The following TP53BP1 variants were observed in gnomAD, a reference collection of about 807,000 sequenced individuals.
The protein encoded by TP53BP1 is tumor protein p53 binding protein 1.
A neutral mutation model predicts 200.8 loss-of-function variants in TP53BP1; 61 were observed. That is an observed-to-expected ratio of 0.30 (90% CI 0.25 to 0.38). The LOEUF is 0.38. Ranked by LOEUF, TP53BP1 falls within the 10% of genes least tolerant of loss-of-function variation. TP53BP1 has a pLI of 1.00. For missense variants in TP53BP1, 2,144 were observed against 2,371.9 expected, an observed-to-expected ratio of 0.90 and a Z score of 2.00; for synonymous variants, 822 against 844.3, an observed-to-expected ratio of 0.97 and a Z score of 0.46.
At chr15:43,407,869 G>T in intron 27 of TP53BP1, 74 bp downstream of exon 27, 1 of 1,439,164 alleles carries the variant, frequency 6.9e-7, no homozygotes, top group Non-Finnish European at 9.4e-7. Flanking sequence ...CTGAGCCTTG[G>T]ACCACAAGGC....
intron 1 of TP53BP1, among the ~76,000 whole-genome samples, chr15:43,502,434 G>C (rs112163440): frequency 8.2e-4 from 125 of 152,140 alleles, no homozygotes; most frequent in African/African-American, 2.8e-3. Context: ...TGGTTTGTCA[G>C]TGTGAAGTGA....
chr15:43,446,514 G>T lies in TP53BP1; in HGVS notation c.2913C>A (p.Pro971=). 3.1e-6 allele frequency: 5 copies of T among 1,614,126 alleles called. No homozygotes were observed. The highest frequency in any genetic ancestry group is 4.2e-6 in the Non-Finnish European group (5 of 1,180,004). ...AATCCCCTTTTCCACTCCCAAGTAT[G>T]GGATCATGGGTCTCCACCATGCTTT... ...MSESMVETHD[P]ILGSGKGDSG... is the part of the protein sequence containing the mutation. The change falls in exon 14 of 28, where the codon CCC becomes CCA. Residue 971 remains proline, a synonymous_variant. Transcript: ENST00000382044.
At chr15:43,461,174 G>A (rs1002537179) in intron 11 of TP53BP1, among the ~76,000 whole-genome samples, 1 of 151,902 alleles carries the variant, frequency 6.6e-6, no homozygotes, top group Admixed American at 6.6e-5. Context: ...TTATTATTTA[G>A]AATAGGAAAC....
intron 1 of TP53BP1, among the ~76,000 whole-genome samples, chr15:43,505,736 A>C (rs2079232465): frequency 6.6e-6 from 1 of 152,286 alleles, no homozygotes; most frequent in South Asian, 2.1e-4. Context: ...ACCTTTTTAG[A>C]TATTATTTTA....
In TP53BP1 at chr15:43,404,569, G is replaced by C. The variant is rs766952166; in HGVS notation, c.*2814C>G. On this transcript the variant is annotated 3_prime_UTR_variant, in exon 28 of 28. Transcript: ENST00000382044. ...TCTGGGCAGGTAGGAGCAACCCTTGGGTAACTCAGTAGACTTTTTAAGGTG... is the reference window on the plus strand; with the variant it reads ...TCTGGGCAGGTAGGAGCAACCCTTGCGTAACTCAGTAGACTTTTTAAGGTG... The C allele has an allele frequency of 3.7e-6, 6 of 1,612,724 alleles. No individual in the cohort carries two copies. The highest frequency in any genetic ancestry group is 5.1e-6 in the Non-Finnish European group (6 of 1,179,394).
At chr15:43,461,465 A>C (rs930993365) in intron 11 of TP53BP1, among the ~76,000 whole-genome samples, 1 of 152,026 alleles carries the variant, frequency 6.6e-6, no homozygotes, top group Non-Finnish European at 1.5e-5. Flanking sequence ...CAATCTGCCC[A>C]CCTCGAACTC....
intron 4 of TP53BP1, among the ~76,000 whole-genome samples, chr15:43,489,458 C>T (rs1359464857): frequency 3.3e-5 from 5 of 152,280 alleles, no homozygotes; most frequent in South Asian, 2.1e-4. Context: ...AACTTAAATG[C>T]CCACAGAAAT....
intron 26 of TP53BP1, chr15:43,408,445 T>TG (rs2044994437): frequency 3.7e-6 from 1 of 270,088 alleles, no homozygotes; most frequent in African/African-American, 2.2e-5. Context: ...TGCGCCACTG[T>TG]ACTCCAGCCT....
At chr15:43,437,901 T>C (rs1431140160) in intron 16 of TP53BP1, among the ~76,000 whole-genome samples, 1 of 152,224 alleles carries the variant, frequency 6.6e-6, no homozygotes, top group Non-Finnish European at 1.5e-5. Context: ...GGCTCATGGT[T>C]CTGAATGCTG....
rs765596228 is a variant in TP53BP1 at position 43,405,262 on chromosome 15, T to C, written c.*2121A>G. 4 of 1,605,450 alleles carry C rather than the reference T, an allele frequency of 2.5e-6. No individual in the cohort carries two copies. The highest frequency in any genetic ancestry group is 3.3e-5 in the Admixed American group (2 of 59,964). On this transcript the variant is annotated 3_prime_UTR_variant, in exon 28 of 28. Coordinates refer to ENST00000382044, the MANE Select transcript of TP53BP1 (RefSeq NM_001141980.3). ...AATAACAGCCACGTTCCCAAGGTTG[T>C]AACAGAAGATTCAAAACATCCCATT...
chr15:43,479,484 G>A lies in TP53BP1; in HGVS notation c.701C>T (p.Ala234Val). The A allele has an allele frequency of 1.2e-6, 2 of 1,613,680 alleles. No homozygotes were observed. Among genetic ancestry groups the A allele is most frequent in the Non-Finnish European group, 1.7e-6 (2 of 1,179,856 alleles). The change falls in exon 7 of 28, where the codon GCA becomes GTA. Residue 234 changes from alanine (A) to valine (V), a missense_variant. Around this residue, in one of 4 missense-constraint regions of TP53BP1, gnomAD observed 1,700 missense variants for 1,710.3 expected, o/e 0.99. Coordinates refer to ENST00000382044, the MANE Select transcript of TP53BP1 (RefSeq NM_001141980.3). ...EEQSNEDIPI[A>V]EQSSKDIPVT... ...AGGGATGTCCTTGCTGGACTGTTCT[G>A]CTATGGGGATATCTTCGTTGGACTG... is the stretch of plus-strand genomic sequence containing the variant.
At chr15:43,425,261 T>C (rs2045500482) in intron 18 of TP53BP1, among the ~76,000 whole-genome samples, 1 of 152,198 alleles carries the variant, frequency 6.6e-6, no homozygotes, top group African/African-American at 2.4e-5. Flanking sequence ...TGGAACCTTT[T>C]CCCTCCATCA....
intron 24 of TP53BP1, 129 bp from the exon 25 acceptor site, chr15:43,409,870 C>T: frequency 2.2e-6 from 1 of 461,700 alleles, no homozygotes; most frequent in South Asian, 4.0e-5. Flanking sequence ...CAAAGACAGG[C>T]CAAGGGCTTC....
chr15:43,510,204 C>T (rs2079264920), intron 1 of TP53BP1, among the ~76,000 whole-genome samples: 1 of 151,986 alleles, frequency 6.6e-6, no homozygotes, highest in Admixed American at 6.5e-5. Context: ...CAACAGTCTC[C>T]TGAGGGAGAC....
intron 12 of TP53BP1, among the ~76,000 whole-genome samples, chr15:43,453,685 C>A (rs1382734567): frequency 6.6e-6 from 1 of 151,360 alleles, no homozygotes; most frequent in Non-Finnish European, 1.5e-5. Flanking sequence ...GCTGGGACTA[C>A]AGGCACCCGT....
At position 43,456,636 on chromosome 15, in the gene TP53BP1, G is replaced by A. The variant is rs774445226; in HGVS notation, c.1972C>T (p.His658Tyr). The change falls in exon 12 of 28, where the codon CAC becomes TAC. Residue 658 changes from histidine to tyrosine, a missense_variant. Physicochemically the swap from His to Tyr is moderately conservative, Grantham distance 83. This residue lies in a region of TP53BP1 where 1,700 missense variants were observed against 1,710.3 expected (regional missense o/e 0.99). Transcript: ENST00000382044. ...CCTGAAGACCCCTCCTCTGGATGGT[G>A]TTCTTTAATTTCCATAGCTTCCTCC... ...DQEEAMEIKE[H>Y]HPEEGSSGSE... 6.8e-6 allele frequency: 11 copies of A among 1,614,138 alleles called. No individual in the cohort carries two copies. Among genetic ancestry groups the A allele is most frequent in the Non-Finnish European group, 9.3e-6 (11 of 1,180,026 alleles).
In TP53BP1 at chr15:43,458,716, G is replaced by C. The variant is rs181269581; in HGVS notation, c.1390-1498C>G. Among the ~76,000 whole-genome samples, 495 of 152,080 alleles carry C rather than the reference G, an allele frequency of 3.3e-3. 2 individuals carry two copies. Among genetic ancestry groups the C allele is most frequent in the Non-Finnish European group, 6.0e-3 (407 of 67,996 alleles). ...GATCCTTGAGCCACAGGAGTTCAAG[G>C]CTGCAGTGAGCTATTATTGTACCAC... On this transcript the variant is annotated intron_variant, in intron 11 of 27. Transcript: ENST00000382044.
intron 7 of TP53BP1, among the ~76,000 whole-genome samples, chr15:43,478,398 G>A (rs376399052): frequency 5.3e-5 from 8 of 152,136 alleles, no homozygotes; most frequent in African/African-American, 1.9e-4. Context: ...TCACTGTTAT[G>A]CTGAGTGTTT....
At chr15:43,452,275 A>G (rs1166269958) in intron 12 of TP53BP1, among the ~76,000 whole-genome samples, 1 of 151,940 alleles carries the variant, frequency 6.6e-6, no homozygotes, top group East Asian at 1.9e-4. Context: ...GTTAAAAACT[A>G]TTGTTCTCGG....
Sources: allele counts gnomAD v4.1 joint callset (sites outside exome capture counted in the v4.1 genomes callset), GRCh38; gene constraint gnomAD v4.1.1; regional missense constraint gnomAD v4.1.1; transcripts MANE v1.5; gene names NCBI Gene and HGNC (gene_info 2026-07-23, HGNC 2026-07-21).